The following CDC42BPG variants were observed in gnomAD, a reference collection of about 807,000 sequenced individuals.
CDC42BPG encodes the protein CDC42 binding protein kinase gamma.
Under a neutral mutation model 192.2 loss-of-function variants are expected in CDC42BPG, and 157 were observed. The observed-to-expected ratio is 0.82, with a 90% CI of 0.72 to 0.93. CDC42BPG has a LOEUF of 0.93. CDC42BPG is among the 40% of genes least tolerant of loss of function. The pLI is 0.00. For missense variants in CDC42BPG, 1,992 were observed against 2,122.1 expected (o/e 0.94, Z 1.20); for synonymous variants, 981 against 918.5 (o/e 1.07, Z -1.23).
intron 1 of CDC42BPG, 59 bp downstream of exon 1, chr11:64,844,351 G>T: frequency 7.6e-7 from 1 of 1,320,654 alleles, no homozygotes; most frequent in South Asian, 1.8e-5. Context: ...CTGCGGGTGC[G>T]GGGGTCTCGG....
Position 64,839,525 on chromosome 11 carries a change from G to A in CDC42BPG, c.628C>T (p.Arg210Cys), listed in dbSNP as rs368096382. 28 of 1,613,094 alleles carry A rather than the reference G, an allele frequency of 1.7e-5. No homozygotes were observed. Among genetic ancestry groups the A allele is most frequent in the African/African-American group, 8.0e-5 (6 of 74,948 alleles). ...AGGCAGGAGCCGAAGTCAGCCAGGC[G>A]AATGTGCCCGTTCACATCCAGCAGG... ...NVLLDVNGHIRLADFGSCLRL... is the reference protein window; with the variant it reads ...NVLLDVNGHICLADFGSCLRL... Residue 210 changes from arginine (R) to cysteine (C), a missense_variant, in exon 6 of 37, where the codon CGC becomes TGC. Physicochemically the swap from Arg to Cys is radical, Grantham distance 180. This residue lies in a region of CDC42BPG where 1,656 missense variants were observed against 1,844.3 expected (regional missense o/e 0.90). Coordinates refer to ENST00000342711, the MANE Select transcript of CDC42BPG (RefSeq NM_017525.3).
chr11:64,828,014 C>T (rs1402656167), intron 30 of CDC42BPG, among the ~76,000 whole-genome samples: 1 of 152,196 alleles, frequency 6.6e-6, no homozygotes, highest in Admixed American at 6.5e-5. Flanking sequence ...AATTTTCTAA[C>T]AACTCTGAGC....
rs1942975541 is a variant in CDC42BPG at position 64,836,166 on chromosome 11, G to A, written c.1619C>T (p.Thr540Ile). ...CTCCAGCTGGGAGCTCAGGGCCCGGGTCTGGCTAGCTGTGGCCGCCTCTCT... is the reference window on the plus strand; with the variant it reads ...CTCCAGCTGGGAGCTCAGGGCCCGGATCTGGCTAGCTGTGGCCGCCTCTCT... Reference protein sequence around the residue: ...QEREAATASQTRALSSQLEEA... With the variant: ...QEREAATASQIRALSSQLEEA... The change falls in exon 13 of 37, where the codon ACC becomes ATC. Residue 540 changes from threonine to isoleucine, a missense_variant. By Grantham distance (89) the Thr-to-Ile change is moderately conservative (BLOSUM62 -1). Transcript: ENST00000342711. The A allele has an allele frequency of 6.3e-7, 1 of 1,596,574 alleles. No homozygotes were observed. The highest frequency in any genetic ancestry group is 8.5e-7 in the Non-Finnish European group (1 of 1,173,326).
chr11:64,842,124 C>T (rs542854406), intron 1 of CDC42BPG, among the ~76,000 whole-genome samples: 158 of 152,312 alleles, frequency 1.0e-3, no homozygotes, highest in African/African-American at 3.3e-3. Context: ...ACCGCCTGGT[C>T]CCTGGACCTC....
At chr11:64,839,636 C>T (rs1473978868) in intron 5 of CDC42BPG, 65 bp from the exon 6 acceptor site, 38 of 1,343,802 alleles carry the variant, frequency 2.8e-5, no homozygotes, top group Middle Eastern at 1.8e-4. Context: ...TTTAGGCACA[C>T]GCCCAGGTGC....
rs1942753907 is a variant in CDC42BPG, at chr11:64,832,686, C to T, written c.2923G>A (p.Asp975Asn). 1.2e-6 allele frequency: 2 copies of T among 1,613,448 alleles called. No homozygotes were observed. Among genetic ancestry groups the T allele is most frequent in the South Asian group, 1.1e-5 (1 of 91,046 alleles). The change falls in exon 26 of 37, where the codon GAC (aspartate) becomes AAC (asparagine). Residue 975 changes from aspartate to asparagine, a missense_variant. Asp to Asn is a conservative substitution (Grantham distance 23). Transcript: ENST00000342711. ...GCGTCAAACAGCAGCAGGCGTGAGT[C>T]ACTCAGGGCAGCAAACACGCGCTGC... The part of the protein sequence containing the change: ...GWQRVFAALS[D>N]SRLLLFDAPD...
At position 64,824,163 on chromosome 11, in the gene CDC42BPG, G is replaced by A. The variant is rs906065331; in HGVS notation, c.*310C>T. On this transcript the variant is annotated 3_prime_UTR_variant, in exon 37 of 37. Coordinates refer to ENST00000342711, the MANE Select transcript of CDC42BPG (RefSeq NM_017525.3). ...CTCATCCCAACTCTTACAAGCCTCT[G>A]GGGGCTTGGCACTGGAAATAAGAGC... 4 of 433,442 alleles carry A rather than the reference G, an allele frequency of 9.2e-6. No homozygotes were observed. The highest frequency in any genetic ancestry group is 6.1e-5 in the African/African-American group (3 of 49,044). The allele number at this position is 433,442 out of a possible 1,614,324, so 26.8% of individuals were successfully genotyped here.
In CDC42BPG at chr11:64,826,575, G is replaced by A. The variant is rs753709120; in HGVS notation, c.4514-20C>T. 12 of 1,596,726 alleles carry A rather than the reference G, an allele frequency of 7.5e-6. No individual in the cohort carries two copies. The African/African-American group carries it at 8.0e-5, about 11-fold the overall frequency. Reference sequence around the variant, plus strand: ...TCTTCACTGCTCCAGCAGCAGACGAGGAGACAAAAATACCAAGATCAGATT... The same window carrying A: ...TCTTCACTGCTCCAGCAGCAGACGAAGAGACAAAAATACCAAGATCAGATT... On this transcript the variant is annotated intron_variant, in intron 35 of 36. Coordinates refer to ENST00000342711, the MANE Select transcript of CDC42BPG (RefSeq NM_017525.3).
intron 8 of CDC42BPG, 37 bp downstream of exon 8, chr11:64,838,617 G>C (rs1479144211): frequency 1.2e-6 from 2 of 1,606,106 alleles, no homozygotes; most frequent in Admixed American, 1.7e-5. Context: ...CAAGGGGGTA[G>C]GGCAGCTCCC....
At chr11:64,826,902 G>C in intron 34 of CDC42BPG, 108 bp from the exon 35 acceptor site, 1 of 1,314,252 alleles carries the variant, frequency 7.6e-7, no homozygotes, top group South Asian at 1.4e-5. Context: ...CCCCAGCCTG[G>C]TTTTACTTAA....
intron 3 of CDC42BPG, among the ~76,000 whole-genome samples, chr11:64,841,044 G>C (rs1246824211): frequency 1.3e-5 from 2 of 152,072 alleles, no homozygotes; most frequent in Non-Finnish European, 2.9e-5. Context: ...CCAGCTACTT[G>C]GGAGGCTGAG....
At chr11:64,833,537 T>C in intron 23 of CDC42BPG, 63 bp downstream of exon 23, 1 of 1,460,712 alleles carries the variant, frequency 6.8e-7, no homozygotes, top group Non-Finnish European at 9.3e-7. Context: ...GTCCCCACAG[T>C]GCCCATTCAG....
chr11:64,844,333 G>A, intron 1 of CDC42BPG, 77 bp downstream of exon 1: 1 of 1,269,128 alleles, frequency 7.9e-7, no homozygotes. Context: ...GGGTCCCTGC[G>A]GGAAAGTCTG....
chr11:64,831,472 A>G (rs684071), intron 28 of CDC42BPG, 33 bp downstream of exon 28: 1,579,014 of 1,581,142 alleles, frequency 1, 788,468 homozygotes, highest in East Asian at 1. Context: ...CGCAGGCCTG[A>G]ACTGCTTCCT....
chr11:64,824,742 C>CT (rs1239455357), intron 36 of CDC42BPG, among the ~76,000 whole-genome samples: 17 of 148,632 alleles, frequency 1.1e-4, no homozygotes, highest in Admixed American at 5.4e-4. Context: ...ACTCAAAGTC[C>CT]TTTTTTTTTT....
intron 34 of CDC42BPG, 101 bp downstream of exon 34, chr11:64,826,946 TAGG>T: frequency 8.7e-7 from 1 of 1,149,160 alleles, no homozygotes; most frequent in Non-Finnish European, 1.3e-6. Flanking sequence ...TCCCAGGCCT[TAGG>T]AGTAATTACA....
chr11:64,839,437 G>T (rs748869388), intron 6 of CDC42BPG, 41 bp downstream of exon 6: 1 of 607,904 alleles, frequency 1.6e-6, no homozygotes, highest in East Asian at 2.3e-5. Flanking sequence ...AGCTTGGCCC[G>T]CCTTGTATCC....
At chr11:64,834,185 C>T (rs1942854132) in intron 20 of CDC42BPG, 81 bp downstream of exon 20, 1 of 1,451,924 alleles carries the variant, frequency 6.9e-7, no homozygotes, top group Admixed American at 2.1e-5. Flanking sequence ...ACCACCCTGC[C>T]AGGCCATCGT....
chr11:64,836,711 G>GGGGT lies in CDC42BPG; in HGVS notation c.1384+27_1384+28insACCC, dbSNP rs1555173140. 6.7e-5 allele frequency: 41 copies of GGGGT among 608,622 alleles called. 1 individual carries two copies. The highest frequency in any genetic ancestry group is 3.9e-4 in the South Asian group (17 of 43,678). The allele number at this position is 608,622 out of a possible 1,614,324, so 37.7% of individuals were successfully genotyped here. On this transcript the variant is annotated intron_variant, in intron 11 of 36. Coordinates refer to ENST00000342711, the MANE Select transcript of CDC42BPG (RefSeq NM_017525.3). The stretch of plus-strand genomic sequence containing the variant: ...GCCCAGGTGGGACTCAGCCCTGGGG[G>GGGGT]GGGGGGGGGGGTGGGCGGAAGGGAT...
Sources: allele counts gnomAD v4.1 joint callset (sites outside exome capture counted in the v4.1 genomes callset), GRCh38; gene constraint gnomAD v4.1.1; regional missense constraint gnomAD v4.1.1; transcripts MANE v1.5; gene names NCBI Gene and HGNC (gene_info 2026-07-23, HGNC 2026-07-21).